Variants in SMURF2 observed in about 807,000 individuals in gnomAD.
SMURF2 encodes E3 ubiquitin-protein ligase SMURF2.
SMURF2 carries 48 observed loss-of-function variants against 109.6 expected under a neutral mutation model. That is an observed-to-expected ratio of 0.44 (90% CI 0.35 to 0.56). The LOEUF is 0.56. Ranked by LOEUF, SMURF2 falls within the 20% of genes least tolerant of loss-of-function variation. The pLI is 0.01. For missense variants in SMURF2, 575 were observed against 909.0 expected (o/e 0.63, Z 4.72); for synonymous variants, 288 against 317.1 (o/e 0.91, Z 0.97).
rs183251771 is a variant in SMURF2, at chr17:64,594,782, T to A, written c.201-1209A>T. Among the ~76,000 whole-genome samples, 437 of 151,856 alleles carry A rather than the reference T, an allele frequency of 2.9e-3. 1 individual carries two copies. The highest frequency in any genetic ancestry group is 0.01 in the African/African-American group (425 of 41,392). ...CAGGCAGATCACCAGAGGACAGGAGTTCGAGACCAGCCTGACCAACATGGA... is the reference window on the plus strand; with the variant it reads ...CAGGCAGATCACCAGAGGACAGGAGATCGAGACCAGCCTGACCAACATGGA... On this transcript the variant is annotated intron_variant, in intron 3 of 18. Coordinates refer to ENST00000262435, the MANE Select transcript of SMURF2 (RefSeq NM_022739.4).
intron 3 of SMURF2, among the ~76,000 whole-genome samples, chr17:64,594,696 G>A (rs191563443): frequency 5.2e-4 from 79 of 152,256 alleles, no homozygotes; most frequent in Middle Eastern, 3.4e-3. Context: ...TTTTTAAAAA[G>A]TTACATTAGG....
chr17:64,568,179 G>A (rs540861106), intron 10 of SMURF2, among the ~76,000 whole-genome samples: 86 of 151,810 alleles, frequency 5.7e-4, no homozygotes, highest in Admixed American at 1.7e-3. Context: ...TAGTAGAGAC[G>A]GGGTTTCACC....
chr17:64,609,467 A>T (rs886466389), intron 1 of SMURF2, among the ~76,000 whole-genome samples: 2 of 152,130 alleles, frequency 1.3e-5, no homozygotes, highest in African/African-American at 4.8e-5. Context: ...AAATAACACC[A>T]CACATCTACA....
At chr17:64,646,894 T>C (rs1343690035) in intron 1 of SMURF2, among the ~76,000 whole-genome samples, 1 of 152,226 alleles carries the variant, frequency 6.6e-6, no homozygotes, top group Non-Finnish European at 1.5e-5. Flanking sequence ...AATGTGCCTT[T>C]CTTTGTAAAG....
rs201996624 is a variant in SMURF2, at chr17:64,545,080, T to A, written c.*768A>T. 2.2e-3 allele frequency: 340 copies of A among 151,568 alleles called. No homozygotes were observed. Among genetic ancestry groups the A allele is most frequent in the Non-Finnish European group, 2.7e-3 (185 of 67,888 alleles). 9.4% of individuals were successfully genotyped at this position (151,568 alleles called of 1,614,324 possible). ...TAAAAACATTAGGTTTTTTTTTTTT[T>A]AAAAGAGTCTCTTAAAAACAGGGAG... On this transcript the variant is annotated 3_prime_UTR_variant, in exon 19 of 19. Coordinates refer to ENST00000262435, the MANE Select transcript of SMURF2 (RefSeq NM_022739.4).
intron 1 of SMURF2, among the ~76,000 whole-genome samples, chr17:64,658,963 C>G (rs1222107565): frequency 6.6e-6 from 1 of 152,146 alleles, no homozygotes; most frequent in Non-Finnish European, 1.5e-5. Flanking sequence ...GATTCTAACC[C>G]CCAACTGCCT....
chr17:64,619,420 G>A (rs923845726), intron 1 of SMURF2, among the ~76,000 whole-genome samples: 31 of 145,064 alleles, frequency 2.1e-4, no homozygotes, highest in African/African-American at 8.0e-4. Flanking sequence ...AGAGCCTCCC[G>A]TGAGCCGAGA....
At chr17:64,608,002 T>TAAATAAATAAAC (rs1969994311) in intron 1 of SMURF2, among the ~76,000 whole-genome samples, 1 of 140,772 alleles carries the variant, frequency 7.1e-6, no homozygotes, top group Non-Finnish European at 1.5e-5. Context: ...CTGTCATAAA[T>TAAATAAATAAAC]AAATAAATAA....
intron 2 of SMURF2, among the ~76,000 whole-genome samples, chr17:64,601,980 A>G (rs1371667053): frequency 2.0e-5 from 3 of 151,374 alleles, no homozygotes; most frequent in African/African-American, 4.8e-5. Flanking sequence ...ACATATACAT[A>G]CATACACCAT....
intron 1 of SMURF2, among the ~76,000 whole-genome samples, chr17:64,612,474 G>A (rs1970058362): frequency 2.0e-5 from 3 of 151,196 alleles, no homozygotes. Context: ...TTGAGACCTG[G>A]GCAACATGGC....
chr17:64,643,196 T>G (rs1970513151), intron 1 of SMURF2, among the ~76,000 whole-genome samples: 1 of 151,966 alleles, frequency 6.6e-6, no homozygotes, highest in Non-Finnish European at 1.5e-5. Context: ...CTAATTTTTG[T>G]TTTTTTGGTA....
At chr17:64,655,763 C>T (rs1386408483) in intron 1 of SMURF2, among the ~76,000 whole-genome samples, 2 of 151,978 alleles carry the variant, frequency 1.3e-5, no homozygotes, top group Non-Finnish European at 2.9e-5. Flanking sequence ...GGAGTGGTGG[C>T]ATGCACCTGT....
At chr17:64,585,163 T>C (rs1165222105) in intron 6 of SMURF2, among the ~76,000 whole-genome samples, 1 of 152,202 alleles carries the variant, frequency 6.6e-6, no homozygotes, top group Non-Finnish European at 1.5e-5. Context: ...TCGAAGTTAG[T>C]TAAAAATACT....
intron 1 of SMURF2, among the ~76,000 whole-genome samples, chr17:64,640,052 T>C (rs1970474435): frequency 6.6e-6 from 1 of 152,236 alleles, no homozygotes; most frequent in African/African-American, 2.4e-5. Context: ...AGGAATTCTA[T>C]ACTATCTTCA....
intron 9 of SMURF2, 85 bp from the exon 10 acceptor site, chr17:64,572,041 CAA>C: frequency 1.7e-6 from 2 of 1,146,898 alleles, no homozygotes; most frequent in African/African-American, 3.2e-5. Flanking sequence ...AACAATTCCA[CAA>C]AGTGTGAGAA....
chr17:64,633,755 A>G (rs539057299), intron 1 of SMURF2, among the ~76,000 whole-genome samples: 1 of 152,296 alleles, frequency 6.6e-6, no homozygotes, highest in East Asian at 1.9e-4. Flanking sequence ...TCTAAACTTT[A>G]GAGGTAACTT....
intron 9 of SMURF2, among the ~76,000 whole-genome samples, chr17:64,577,431 C>A (rs1277606899): frequency 6.6e-6 from 1 of 151,902 alleles, no homozygotes; most frequent in Non-Finnish European, 1.5e-5. Context: ...GGAGGGATAG[C>A]ATTAGGATAT....
intron 9 of SMURF2, among the ~76,000 whole-genome samples, chr17:64,576,327 G>T (rs28735330): frequency 0.096 from 14,645 of 151,946 alleles, 1,764 homozygotes; most frequent in African/African-American, 0.28. Flanking sequence ...TTTTGGTTAG[G>T]AAATGCAATA....
intron 1 of SMURF2, among the ~76,000 whole-genome samples, chr17:64,648,145 A>G (rs1351026737): frequency 1.3e-5 from 2 of 151,238 alleles, no homozygotes; most frequent in African/African-American, 4.9e-5. Context: ...TCTTAAAACC[A>G]TAGAACTCTA....
Sources: allele counts gnomAD v4.1 joint callset (sites outside exome capture counted in the v4.1 genomes callset), GRCh38; gene constraint gnomAD v4.1.1; transcripts MANE v1.5; gene names NCBI Gene and HGNC (gene_info 2026-07-23, HGNC 2026-07-21).